Variants in FHIT observed in about 807,000 individuals in gnomAD.
The protein encoded by FHIT is fragile histidine triad diadenosine triphosphatase.
Under a neutral mutation model 17.9 loss-of-function variants are expected in FHIT, and 19 were observed. That is an observed-to-expected ratio of 1.06 (90% confidence interval 0.74 to 1.56). The LOEUF is 1.56. Ranked by LOEUF, FHIT falls within the 40% of genes most tolerant of loss-of-function variation. FHIT has a pLI of 0.00. For synonymous variants in FHIT, 81 were observed against 69.7 expected (o/e 1.16, Z -0.81); for missense variants, 248 against 189.2 (o/e 1.31, Z -1.82).
At chr3:60,810,991 T>C (rs1478505584) in intron 4 of FHIT, among the ~76,000 whole-genome samples, 4 of 152,216 alleles carry the variant, frequency 2.6e-5, no homozygotes, top group Non-Finnish European at 5.9e-5. Context: ...CTGACTAAAA[T>C]ACTTCTCTGT....
chr3:60,864,586 G>A (rs1232746253), intron 3 of FHIT, among the ~76,000 whole-genome samples: 1 of 152,060 alleles, frequency 6.6e-6, no homozygotes, highest in Non-Finnish European at 1.5e-5. Context: ...TCTGGAACAG[G>A]GCTCTGTATT....
At chr3:60,552,198 T>A (rs1194665861) in intron 4 of FHIT, among the ~76,000 whole-genome samples, 1 of 152,218 alleles carries the variant, frequency 6.6e-6, no homozygotes, top group East Asian at 1.9e-4. Context: ...AATACCCCAT[T>A]GTATGTATAC....
intron 7 of FHIT, among the ~76,000 whole-genome samples, chr3:60,000,231 T>C (rs1303808616): frequency 6.6e-6 from 1 of 152,132 alleles, no homozygotes; most frequent in African/African-American, 2.4e-5. Context: ...CTAAATAGCT[T>C]AGGAAAGGAT....
At chr3:60,793,722 G>A (rs1284834890) in intron 4 of FHIT, among the ~76,000 whole-genome samples, 1 of 152,196 alleles carries the variant, frequency 6.6e-6, no homozygotes, top group African/African-American at 2.4e-5. Context: ...AGAATCCTCT[G>A]AGGGACGTTT....
chr3:59,788,318 G>A (rs142598874), intron 8 of FHIT, among the ~76,000 whole-genome samples: 1 of 152,212 alleles, frequency 6.6e-6, no homozygotes, highest in East Asian at 1.9e-4. Flanking sequence ...CCTATGGCTG[G>A]CCAGTCAACT....
chr3:60,887,332 G>T (rs1252092458), intron 3 of FHIT, among the ~76,000 whole-genome samples: 7 of 151,960 alleles, frequency 4.6e-5, no homozygotes, highest in Non-Finnish European at 8.8e-5. Context: ...GTTAAAATAC[G>T]CTTTTAAAGT....
intron 2 of FHIT, among the ~76,000 whole-genome samples, chr3:61,043,766 C>G (rs1414573732): frequency 6.6e-6 from 1 of 152,202 alleles, no homozygotes; most frequent in Non-Finnish European, 1.5e-5. Flanking sequence ...CCAAGTACCC[C>G]TCTGAGACAA....
chr3:60,082,536 C>T (rs1038360013), intron 5 of FHIT, among the ~76,000 whole-genome samples: 1 of 152,046 alleles, frequency 6.6e-6, no homozygotes, highest in Non-Finnish European at 1.5e-5. Flanking sequence ...TTTAAGTTCA[C>T]TGAAAAACCT....
In FHIT at chr3:60,946,643, T is replaced by G. The variant is rs577037499; in HGVS notation, c.-111+95404A>C. ...CTTCAATAAATACAGAGGAGTAGGC[T>G]GTAGAAGAGTTTTATGGCATGTGCT... On this transcript the variant is annotated intron_variant, in intron 3 of 9. Transcript: ENST00000492590. 2.0e-5 allele frequency among the ~76,000 whole-genome samples: 3 copies of G among 152,228 alleles called. No individual in the cohort carries two copies. In the South Asian group the frequency reaches 6.2e-4, roughly 32 times the overall value.
At chr3:59,873,703 A>G (rs902963296) in intron 8 of FHIT, among the ~76,000 whole-genome samples, 6 of 152,038 alleles carry the variant, frequency 3.9e-5, no homozygotes, top group Non-Finnish European at 8.8e-5. Context: ...GCCTCCAGAC[A>G]ATGCCAAATG....
intron 5 of FHIT, among the ~76,000 whole-genome samples, chr3:60,168,428 G>A (rs1701273163): frequency 6.6e-6 from 1 of 152,070 alleles, no homozygotes; most frequent in Non-Finnish European, 1.5e-5. Flanking sequence ...CTAATGATCT[G>A]AGCTTGCCAG....
At chr3:59,838,407 C>T (rs1246446902) in intron 8 of FHIT, among the ~76,000 whole-genome samples, 1 of 152,160 alleles carries the variant, frequency 6.6e-6, no homozygotes, top group Non-Finnish European at 1.5e-5. Context: ...ACATTTATTC[C>T]CTCACCCCCA....
intron 5 of FHIT, among the ~76,000 whole-genome samples, chr3:60,177,986 T>C (rs987379112): frequency 3.9e-5 from 6 of 152,210 alleles, no homozygotes; most frequent in Admixed American, 3.9e-4. Flanking sequence ...GACTCAATGC[T>C]GAGAGTCCTA....
intron 5 of FHIT, among the ~76,000 whole-genome samples, chr3:60,416,539 G>A (rs1702254440): frequency 6.6e-6 from 1 of 152,082 alleles, no homozygotes; most frequent in South Asian, 2.1e-4. Flanking sequence ...GCTTGGCTGT[G>A]TTTTAATAAA....
intron 5 of FHIT, among the ~76,000 whole-genome samples, chr3:60,063,204 C>T (rs2106934674): frequency 6.6e-6 from 1 of 152,234 alleles, no homozygotes; most frequent in Non-Finnish European, 1.5e-5. Context: ...AGTTTGAGTA[C>T]ATTATAGTTA....
chr3:60,145,151 A>G (rs1314903106), intron 5 of FHIT, among the ~76,000 whole-genome samples: 1 of 128,206 alleles, frequency 7.8e-6, no homozygotes, highest in Non-Finnish European at 1.6e-5. Flanking sequence ...TTGTCCACCT[A>G]CAATTTTTTT....
intron 5 of FHIT, among the ~76,000 whole-genome samples, chr3:60,405,191 T>A (rs553267429): frequency 2.6e-5 from 4 of 152,210 alleles, no homozygotes; most frequent in Non-Finnish European, 5.9e-5. Context: ...TGAGAATTTG[T>A]CTTCCCATTT....
rs938092972 is a variant in FHIT at position 59,749,274 on chromosome 3, C to CTAA, written c.*308_*310dup. ...ACTGTAACTGTAATAGGTTTGTTGC[C>CTAA]TAATTCATGGCAAGTCAATACACCG... On this transcript the variant is annotated 3_prime_UTR_variant, in exon 10 of 10. Coordinates refer to ENST00000492590, the MANE Select transcript of FHIT (RefSeq NM_002012.4). The CTAA allele has an allele frequency of 4.3e-6, 1 of 230,496 alleles. No individual in the cohort carries two copies. Among genetic ancestry groups the CTAA allele is most frequent in the African/African-American group, 2.2e-5 (1 of 45,012 alleles). The allele number at this position is 230,496 out of a possible 1,614,324, so 14.3% of individuals were successfully genotyped here. A position where few individuals can be genotyped will look rare whatever the true frequency, so the allele number is the denominator to read the frequency against.
intron 5 of FHIT, among the ~76,000 whole-genome samples, chr3:60,359,220 T>C (rs1271485105): frequency 1.3e-5 from 2 of 150,860 alleles, no homozygotes; most frequent in African/African-American, 4.9e-5. Flanking sequence ...GATATTTGGA[T>C]ACAAAACTGA....
Sources: allele counts gnomAD v4.1 joint callset (sites outside exome capture counted in the v4.1 genomes callset), GRCh38; gene constraint gnomAD v4.1.1; transcripts MANE v1.5; gene names NCBI Gene and HGNC (gene_info 2026-07-23, HGNC 2026-07-21).